KIF2A: variants seen among roughly 807,000 people sequenced by gnomAD.
KIF2A encodes the protein kinesin-like protein KIF2A.
A neutral mutation model predicts 100.2 loss-of-function variants in KIF2A; 22 were observed. The ratio of observed to expected loss-of-function variants is 0.22; its 90% CI spans 0.16 to 0.31. The LOEUF is 0.31. Among genes scored for constraint, KIF2A ranks in the 10% least tolerant of loss-of-function variants. KIF2A has a pLI of 1.00. For missense variants in KIF2A, 495 were observed against 898.7 expected, an observed-to-expected ratio of 0.55 and a Z score of 5.74; for synonymous variants, 268 against 285.9, an observed-to-expected ratio of 0.94 and a Z score of 0.63.
At chr5:62,361,197 C>CA (rs1175865369) in intron 9 of KIF2A, 45 bp from the exon 10 acceptor site, 1 of 1,046,574 alleles carries the variant, frequency 9.6e-7, no homozygotes, top group South Asian at 1.5e-5. Flanking sequence ...TATTATTCAT[C>CA]AAAATATTGG....
intron 1 of KIF2A, among the ~76,000 whole-genome samples, chr5:62,346,027 A>G (rs913051230): frequency 6.6e-6 from 1 of 152,140 alleles, no homozygotes; most frequent in African/African-American, 2.4e-5. Context: ...CAAATATACA[A>G]TAGTATTCAT....
intron 1 of KIF2A, among the ~76,000 whole-genome samples, chr5:62,340,675 C>G (rs766552724): frequency 6.6e-5 from 10 of 152,042 alleles, no homozygotes; most frequent in Non-Finnish European, 1.5e-4. Context: ...TGATTTTTTC[C>G]TTTGAAAAAT....
intron 1 of KIF2A, among the ~76,000 whole-genome samples, chr5:62,313,789 T>C (rs150928315): frequency 6.6e-6 from 1 of 152,060 alleles, no homozygotes; most frequent in Non-Finnish European, 1.5e-5. Flanking sequence ...TTTAAATTGT[T>C]TTGGTATCAA....
intron 1 of KIF2A, among the ~76,000 whole-genome samples, chr5:62,337,619 G>A (rs1747035837): frequency 1.3e-5 from 2 of 152,024 alleles, no homozygotes; most frequent in African/African-American, 2.4e-5. Context: ...AATTGCTTGA[G>A]ACCAGAAGTT....
chr5:62,389,335 A>G lies in KIF2A; in HGVS notation c.*3766A>G, dbSNP rs1252118441. ...ACCCCGTCTCTACTAAAAATACAAAAATTAGCCTGGCATGGTGGCACATGC... is the reference window on the plus strand; with the variant it reads ...ACCCCGTCTCTACTAAAAATACAAAGATTAGCCTGGCATGGTGGCACATGC... On this transcript the variant is annotated 3_prime_UTR_variant, in exon 21 of 21. Coordinates refer to ENST00000407818, the MANE Select transcript of KIF2A (RefSeq NM_001098511.3). Among the ~76,000 whole-genome samples, 1 of 151,792 alleles carries G rather than the reference A, an allele frequency of 6.6e-6. No individual in the cohort carries two copies. The highest frequency in any genetic ancestry group is 2.4e-5 in the African/African-American group (1 of 41,284).
At chr5:62,382,527 G>A (rs773398754) in intron 20 of KIF2A, among the ~76,000 whole-genome samples, 5 of 152,036 alleles carry the variant, frequency 3.3e-5, no homozygotes, top group Non-Finnish European at 5.9e-5. Flanking sequence ...TATCCCTTAT[G>A]TGAAAAGCTT....
chr5:62,337,384 C>G (rs1747021312), intron 1 of KIF2A, among the ~76,000 whole-genome samples: 1 of 151,830 alleles, frequency 6.6e-6, no homozygotes, highest in Non-Finnish European at 1.5e-5. Flanking sequence ...CCCAGCTATT[C>G]AGGAGGCTGA....
intron 11 of KIF2A, among the ~76,000 whole-genome samples, chr5:62,361,963 C>G (rs1446759159): frequency 4.7e-5 from 7 of 150,362 alleles, no homozygotes; most frequent in Non-Finnish European, 1.0e-4. Context: ...ACCCAGGAAG[C>G]AGAGGTTGCA....
At chr5:62,341,599 G>T (rs1262545008) in intron 1 of KIF2A, among the ~76,000 whole-genome samples, 1 of 152,140 alleles carries the variant, frequency 6.6e-6, no homozygotes, top group Non-Finnish European at 1.5e-5. Flanking sequence ...ACTGTGCCCA[G>T]CCTCCTTGAT....
intron 1 of KIF2A, among the ~76,000 whole-genome samples, chr5:62,324,558 C>T (rs1219341690): frequency 6.6e-6 from 1 of 152,162 alleles, no homozygotes; most frequent in Admixed American, 6.5e-5. Context: ...TAAAGCCACA[C>T]ACCTACAACC....
chr5:62,341,725 C>T (rs776994458), intron 1 of KIF2A, among the ~76,000 whole-genome samples: 9 of 152,042 alleles, frequency 5.9e-5, no homozygotes, highest in Non-Finnish European at 5.9e-5. Flanking sequence ...ACCTTTTTTT[C>T]GCACACCTAG....
At position 62,361,290 on chromosome 5, in the gene KIF2A, T is replaced by C. The variant is rs1748392061; in HGVS notation, c.921T>C (p.Ala307=). 1.9e-6 allele frequency: 3 copies of C among 1,609,076 alleles called. No individual in the cohort carries two copies. Among genetic ancestry groups the C allele is most frequent in the African/African-American group, 1.3e-5 (1 of 74,886 alleles). ...LVETIFERGM[A]TCFAYGQTGS... ...AAACTATATTTGAAAGGGGAATGGCTACATGCTTTGCTTATGGGCAGACTG... is the reference window on the plus strand; with the variant it reads ...AAACTATATTTGAAAGGGGAATGGCCACATGCTTTGCTTATGGGCAGACTG... Residue 307 remains alanine (A), a synonymous_variant, in exon 10 of 21, where the codon GCT becomes GCC. Coordinates refer to ENST00000407818, the MANE Select transcript of KIF2A (RefSeq NM_001098511.3).
chr5:62,342,248 C>G (rs891172141), intron 1 of KIF2A, among the ~76,000 whole-genome samples: 1 of 152,076 alleles, frequency 6.6e-6, no homozygotes, highest in Admixed American at 6.6e-5. Flanking sequence ...GTGATTGATG[C>G]GGGGCTTGAT....
chr5:62,335,073 T>C (rs1400470171), intron 1 of KIF2A, among the ~76,000 whole-genome samples: 1 of 152,156 alleles, frequency 6.6e-6, no homozygotes, highest in East Asian at 1.9e-4. Flanking sequence ...GCCCTCAGGA[T>C]TCCCACACCC....
At position 62,388,010 on chromosome 5, in the gene KIF2A, TTATAG is replaced by T. The variant is rs1742119695; in HGVS notation, c.*2446_*2450del. On this transcript the variant is annotated 3_prime_UTR_variant, in exon 21 of 21. Coordinates refer to ENST00000407818, the MANE Select transcript of KIF2A (RefSeq NM_001098511.3). ...AAACAAAATAGCTACTATAACTCTA[TTATAG>T]TATATTAACAGCACTTAGTATTATA... The T allele has an allele frequency of 6.6e-6, 1 of 152,126 alleles. No individual in the cohort carries two copies. The highest frequency in any genetic ancestry group is 2.4e-5 in the African/African-American group (1 of 41,430). 9.4% of individuals were successfully genotyped at this position (152,126 alleles called of 1,614,324 possible). A position where few individuals can be genotyped will look rare whatever the true frequency, so the allele number is the denominator to read the frequency against.
intron 1 of KIF2A, chr5:62,308,390 C>T: frequency 7.0e-7 from 1 of 1,422,568 alleles, no homozygotes; most frequent in Non-Finnish European, 9.5e-7. Flanking sequence ...CAACACCTGT[C>T]CCTGGTATAC....
In KIF2A at chr5:62,347,072, T is replaced by C. The variant is rs570408916; in HGVS notation, c.65-58T>C. 3 of 849,338 alleles carry C rather than the reference T, an allele frequency of 3.5e-6. No individual in the cohort carries two copies. In the South Asian group the frequency reaches 4.9e-5, roughly 14 times the overall value. The allele number at this position is 849,338 out of a possible 1,614,324, so 52.6% of individuals were successfully genotyped here. Reference sequence around the variant, plus strand: ...CAAGTTATAAAATTGTATTTCACAGTGTTTAGGAATGCCATAATTTGTGGC... The same window carrying C: ...CAAGTTATAAAATTGTATTTCACAGCGTTTAGGAATGCCATAATTTGTGGC... On this transcript the variant is annotated intron_variant, in intron 1 of 20. Transcript: ENST00000407818.
intron 1 of KIF2A, among the ~76,000 whole-genome samples, chr5:62,340,758 C>T (rs1561261801): frequency 6.6e-6 from 1 of 151,500 alleles, no homozygotes; most frequent in African/African-American, 2.4e-5. Context: ...ACTTAACTTT[C>T]TAAATAAATC....
rs767771929 is a variant in KIF2A at position 62,366,409 on chromosome 5, T to C, written c.1579-5T>C. ...GTTTACCTTTGCATTTTTTTTTTCCTGTAGATTGCCACAATCTCTCCAGGA... is the reference window on the plus strand; with the variant it reads ...GTTTACCTTTGCATTTTTTTTTTCCCGTAGATTGCCACAATCTCTCCAGGA... On this transcript the variant is annotated splice_region_variant and splice_polypyrimidine_tract_variant and intron_variant, in intron 15 of 20. Coordinates refer to ENST00000407818, the MANE Select transcript of KIF2A (RefSeq NM_001098511.3). The C allele has an allele frequency of 7.0e-6, 11 of 1,562,756 alleles. No homozygotes were observed. The highest frequency in any genetic ancestry group is 3.5e-4 in the Middle Eastern group (2 of 5,748).
Sources: gnomAD v4.1 joint callset for allele counts (sites outside exome capture counted in the v4.1 genomes callset) on GRCh38, gnomAD v4.1.1 for gene constraint, MANE v1.5 for transcripts, NCBI Gene and HGNC (gene_info 2026-07-23, HGNC 2026-07-21) for gene names.